The following COL4A6 variants were observed in gnomAD, a reference collection of about 807,000 sequenced individuals.
COL4A6 encodes collagen type IV alpha 6 chain, also known as collagen alpha-6(IV) chain.
A neutral mutation model predicts 126.7 loss-of-function variants in COL4A6; 59 were observed. That is an observed-to-expected ratio of 0.47 (90% CI 0.38 to 0.58). The LOEUF (loss-of-function observed/expected upper bound fraction) is 0.58, where lower values mean the gene tolerates loss of function less well. Among genes scored for constraint, COL4A6 ranks in the 20% least tolerant of loss-of-function variants. The pLI is 0.00. For missense variants in COL4A6, 1,285 were observed against 1,337.3 expected, an observed-to-expected ratio of 0.96 and a Z score of 0.61; for synonymous variants, 547 against 496.6, an observed-to-expected ratio of 1.10 and a Z score of -1.35.
intron 2 of COL4A6, among the ~76,000 whole-genome samples, chrX:108,333,136 G>A (rs2039347197): frequency 9.0e-6 from 1 of 110,785 alleles, no homozygotes; most frequent in African/African-American, 3.3e-5. Context: ...TCAGTTGGTT[G>A]TAGGTATGTG....
chrX:108,231,874 G>A (rs2036316578), intron 3 of COL4A6, among the ~76,000 whole-genome samples: 1 of 112,099 alleles, frequency 8.9e-6, no homozygotes, highest in Non-Finnish European at 1.9e-5. Context: ...TGCACTTCAA[G>A]GAATGGCACT....
At chrX:108,258,534 T>A (rs1029997105) in intron 3 of COL4A6, among the ~76,000 whole-genome samples, 1 of 111,556 alleles carries the variant, frequency 9.0e-6, no homozygotes, top group Non-Finnish European at 1.9e-5. Flanking sequence ...AAAAACAAGA[T>A]TGGAATCTTT....
intron 37 of COL4A6, among the ~76,000 whole-genome samples, chrX:108,169,134 G>C (rs1156858000): frequency 9.0e-6 from 1 of 111,283 alleles, no homozygotes; most frequent in African/African-American, 3.3e-5. Context: ...CATCCACACT[G>C]GACGCTGAGG....
chrX:108,412,111 T>A (rs1029322357), intron 2 of COL4A6, among the ~76,000 whole-genome samples: 1 of 111,796 alleles, frequency 8.9e-6, no homozygotes, highest in African/African-American at 3.3e-5. Flanking sequence ...ACATTGTGTT[T>A]GTTTTAATAG....
intron 2 of COL4A6, among the ~76,000 whole-genome samples, chrX:108,382,749 C>T (rs1478396327): frequency 1.8e-5 from 2 of 109,287 alleles, no homozygotes; most frequent in East Asian, 5.7e-4. Context: ...GAATTCAAGA[C>T]CAGCCTGGCC....
intron 5 of COL4A6, among the ~76,000 whole-genome samples, chrX:108,216,176 C>A (rs1414674191): frequency 8.9e-6 from 1 of 112,148 alleles, no homozygotes; most frequent in Non-Finnish European, 1.9e-5. Context: ...ATATTTCCTA[C>A]CTGTAGGATT....
chrX:108,247,699 C>T (rs1292110838), intron 3 of COL4A6, among the ~76,000 whole-genome samples: 1 of 111,606 alleles, frequency 9.0e-6, no homozygotes, highest in South Asian at 3.8e-4. Flanking sequence ...ATTTGCATTT[C>T]CGGCATGAAG....
At chrX:108,357,582 T>C (rs1232495389) in intron 2 of COL4A6, among the ~76,000 whole-genome samples, 1 of 111,582 alleles carries the variant, frequency 9.0e-6, no homozygotes, top group African/African-American at 3.3e-5. Context: ...GAATCCAACT[T>C]CCTTACCATG....
chrX:108,165,183 T>C (rs2034089511), intron 38 of COL4A6, 145 bp from the exon 39 acceptor site: 2 of 811,947 alleles, frequency 2.5e-6, no homozygotes, highest in Admixed American at 4.9e-5. Flanking sequence ...GTGCCCAGAC[T>C]TTCCCAAACC....
At chrX:108,262,443 T>C (rs944093643) in intron 3 of COL4A6, among the ~76,000 whole-genome samples, 5 of 111,746 alleles carry the variant, frequency 4.5e-5, no homozygotes, top group Non-Finnish European at 9.4e-5. Flanking sequence ...TCTGTTTATA[T>C]TTAGAAACAG....
At chrX:108,221,097 CA>C (rs750463198) in intron 4 of COL4A6, 142 bp downstream of exon 4, 13,271 of 585,816 alleles carry the variant, frequency 0.023, 1 homozygote, top group Non-Finnish European at 0.026. Flanking sequence ...GACTCTGTCT[CA>C]AAAAAAAAAA....
intron 2 of COL4A6, among the ~76,000 whole-genome samples, chrX:108,437,610 A>G (rs1405903554): frequency 8.9e-6 from 1 of 111,867 alleles, no homozygotes; most frequent in African/African-American, 3.3e-5. Flanking sequence ...CTTGAAGACC[A>G]GGGAAAATTA....
chrX:108,161,677 T>C lies in COL4A6; in HGVS notation c.4275A>G (p.Pro1425=). 8.4e-7 allele frequency: 1 copy of C among 1,186,774 alleles called. No homozygotes were observed. The highest frequency in any genetic ancestry group is 1.1e-6 in the Non-Finnish European group (1 of 884,566). ...GKDGPSGLPG[P]PGALGDPGLP... ...GACCAGGATCACCAAGAGCCCCAGG[T>C]GGGCCTGGGAGCCCACTGGGGCCAT... The change falls in exon 42 of 45, where the codon CCA becomes CCG. Residue 1425 remains proline, a synonymous_variant. Transcript: ENST00000334504.
chrX:108,184,015 C>A (rs2034770986), intron 23 of COL4A6, among the ~76,000 whole-genome samples: 2 of 111,603 alleles, frequency 1.8e-5, no homozygotes, highest in African/African-American at 6.5e-5. Flanking sequence ...TGTCTGCTTG[C>A]CCAAAGTTTT....
At chrX:108,190,631 T>C in intron 19 of COL4A6, 135 bp from the exon 20 acceptor site, 1 of 402,325 alleles carries the variant, frequency 2.5e-6, no homozygotes, top group South Asian at 4.7e-5. Context: ...AAAATAAAAT[T>C]CAAGACCGGG....
intron 2 of COL4A6, among the ~76,000 whole-genome samples, chrX:108,379,116 T>C (rs761667130): frequency 8.9e-6 from 1 of 112,520 alleles, no homozygotes; most frequent in African/African-American, 3.2e-5. Context: ...ATTACTGCAA[T>C]TGGCCTAACA....
chrX:108,437,930 GA>G lies in COL4A6; in HGVS notation c.63+11del. The G allele has an allele frequency of 8.3e-7, 1 of 1,210,913 alleles. No homozygotes were observed. Among genetic ancestry groups the G allele is most frequent in the Non-Finnish European group, 1.1e-6 (1 of 895,031 alleles). ...GGAGGGGGACGGAAAAGGGTCGTGA[GA>G]AGAGACTCACCGCTGCTGCCAGTTC... On this transcript the variant is annotated intron_variant, in intron 2 of 44. Coordinates refer to ENST00000334504, the MANE Select transcript of COL4A6 (RefSeq NM_033641.4).
rs2033758818 is a variant in COL4A6 at position 108,156,980 on chromosome X, G to A, written c.*20C>T. 8.3e-7 allele frequency: 1 copy of A among 1,200,473 alleles called. No individual in the cohort carries two copies. Among genetic ancestry groups the A allele is most frequent in the Middle Eastern group, 2.5e-4 (1 of 4,024 alleles). On this transcript the variant is annotated 3_prime_UTR_variant, in exon 45 of 45. Transcript: ENST00000334504. The stretch of plus-strand genomic sequence containing the variant: ...TGTGAGGGGCAGGGGAGGGCAAGGG[G>A]CAGAGTGGCAGGTGCCACCCTACAG...
At chrX:108,276,446 T>C (rs1158885543) in intron 3 of COL4A6, among the ~76,000 whole-genome samples, 1 of 112,768 alleles carries the variant, frequency 8.9e-6, no homozygotes, top group African/African-American at 3.2e-5. Flanking sequence ...ATAGGCACTT[T>C]ATGTTCCAAA....
Sources: gnomAD v4.1 joint callset for allele counts (sites outside exome capture counted in the v4.1 genomes callset) on GRCh38, gnomAD v4.1.1 for gene constraint, MANE v1.5 for transcripts, NCBI Gene and HGNC (gene_info 2026-07-23, HGNC 2026-07-21) for gene names.